The following SOX5 variants were observed in gnomAD, a reference collection of about 807,000 sequenced individuals.
SOX5 encodes the protein SRY-box transcription factor 5, also known as transcription factor SOX-5.
In SOX5, 9 loss-of-function variants were observed where a neutral mutation model predicts 92.0. That is an observed-to-expected ratio of 0.10 (90% CI 0.06 to 0.17). The LOEUF is 0.17. Ranked by LOEUF, SOX5 falls within the 10% of genes least tolerant of loss-of-function variation. The pLI is 1.00. For synonymous variants in SOX5, 344 were observed against 336.3 expected, an observed-to-expected ratio of 1.02 and a Z score of -0.25; for missense variants, 642 against 944.5, an observed-to-expected ratio of 0.68 and a Z score of 4.20.
Position 24,164,738 on chromosome 12 carries a change from C to G in SOX5, c.-2+48605G>C, listed in dbSNP as rs568560386. Among the ~76,000 whole-genome samples the G allele has an allele frequency of 2.6e-5, 4 of 152,120 alleles. No homozygotes were observed. In the South Asian group the frequency reaches 8.3e-4, roughly 32 times the overall value. On this transcript the variant is annotated intron_variant, in intron 4 of 4. Transcript: ENST00000446891. ...CTTGTGTTATCTAAATGCTTCCTAC[C>G]TCAATATATTATTGCTTCATTCCCC...
chr12:23,944,950 T>A (rs1569182474), intron 1 of SOX5, among the ~76,000 whole-genome samples: 1 of 152,084 alleles, frequency 6.6e-6, no homozygotes, highest in Non-Finnish European at 1.5e-5. Context: ...CCCATTGAAA[T>A]TATAAAGGAA....
chr12:23,591,910 T>C (rs1951621368), intron 9 of SOX5, among the ~76,000 whole-genome samples: 1 of 152,206 alleles, frequency 6.6e-6, no homozygotes. Context: ...TAGTATTTCA[T>C]CCTTTCTATT....
chr12:24,457,332 T>A (rs1042298244), intron 1 of SOX5, among the ~76,000 whole-genome samples: 2 of 152,192 alleles, frequency 1.3e-5, no homozygotes, highest in African/African-American at 2.4e-5. Flanking sequence ...TAAAACCTGT[T>A]TTTTTTAAAA....
chr12:23,710,523 G>A (rs968456227), intron 6 of SOX5, among the ~76,000 whole-genome samples: 6 of 152,124 alleles, frequency 3.9e-5, no homozygotes, highest in Non-Finnish European at 8.8e-5. Context: ...AGTTGGCTGA[G>A]AATGATGGTT....
chr12:23,762,621 A>AC (rs1555326244), intron 3 of SOX5: 7 of 541,750 alleles, frequency 1.3e-5, no homozygotes, highest in Non-Finnish European at 2.3e-5. Context: ...AAGAAAAAAA[A>AC]AAAAGTCTTT....
chr12:23,964,208 A>C (rs1214992866), intron 4 of SOX5, among the ~76,000 whole-genome samples: 1 of 152,156 alleles, frequency 6.6e-6, no homozygotes, highest in South Asian at 2.1e-4. Context: ...AAAAAATTAA[A>C]ATAGTCATAA....
At chr12:24,449,473 C>A (rs1057202281) in intron 1 of SOX5, among the ~76,000 whole-genome samples, 2 of 152,202 alleles carry the variant, frequency 1.3e-5, no homozygotes, top group Non-Finnish European at 2.9e-5. Context: ...AGGCACTCTT[C>A]ATCACATCAG....
At chr12:24,511,451 T>A (rs1055690206) in intron 1 of SOX5, among the ~76,000 whole-genome samples, 1 of 152,330 alleles carries the variant, frequency 6.6e-6, no homozygotes, top group East Asian at 1.9e-4. Flanking sequence ...AACATTTAGT[T>A]TGATCAAACT....
At chr12:23,724,322 A>G (rs767913892) in intron 6 of SOX5, among the ~76,000 whole-genome samples, 5 of 152,154 alleles carry the variant, frequency 3.3e-5, no homozygotes, top group Non-Finnish European at 7.4e-5. Context: ...TCTATCATCT[A>G]TAAAATGGAT....
intron 2 of SOX5, among the ~76,000 whole-genome samples, chr12:24,362,964 C>A (rs1319635614): frequency 3.3e-5 from 5 of 151,324 alleles, no homozygotes; most frequent in African/African-American, 1.2e-4. Flanking sequence ...TTTGCAAGAC[C>A]CAATTCCTCA....
At chr12:24,401,292 C>T (rs1307455901) in intron 1 of SOX5, among the ~76,000 whole-genome samples, 2 of 148,580 alleles carry the variant, frequency 1.3e-5, no homozygotes, top group Non-Finnish European at 3.0e-5. Flanking sequence ...GCAGAGGTTG[C>T]AGTGAGCCGA....
intron 4 of SOX5, among the ~76,000 whole-genome samples, chr12:23,993,630 G>A (rs996886707): frequency 4.6e-5 from 7 of 152,060 alleles, no homozygotes; most frequent in African/African-American, 1.7e-4. Context: ...GATCCAAAAT[G>A]AGAAAGACTT....
intron 4 of SOX5, among the ~76,000 whole-genome samples, chr12:24,008,953 A>G (rs1952618410): frequency 6.6e-6 from 1 of 152,160 alleles, no homozygotes; most frequent in Admixed American, 6.5e-5. Context: ...AGCTTTTACC[A>G]ATGTCTTCTG....
chr12:23,759,030 GACACACACACACAC>G (rs61575999), intron 3 of SOX5, among the ~76,000 whole-genome samples: 13 of 146,232 alleles, frequency 8.9e-5, no homozygotes, highest in South Asian at 8.6e-4. Flanking sequence ...CACACACACA[GACACACACACACAC>G]ACACACACAC....
intron 6 of SOX5, among the ~76,000 whole-genome samples, chr12:23,714,101 A>G (rs901844042): frequency 3.3e-5 from 5 of 152,008 alleles, no homozygotes; most frequent in Non-Finnish European, 5.9e-5. Flanking sequence ...AAAAAAAAAA[A>G]AAAAGAAAAG....
At chr12:24,312,364 A>T (rs1595468809) in intron 2 of SOX5, among the ~76,000 whole-genome samples, 2 of 152,206 alleles carry the variant, frequency 1.3e-5, no homozygotes, top group Admixed American at 6.5e-5. Context: ...TTCTTTGCCC[A>T]CTGGTATCAT....
chr12:23,700,573 T>C (rs1437670441), intron 6 of SOX5, among the ~76,000 whole-genome samples: 1 of 152,034 alleles, frequency 6.6e-6, no homozygotes, highest in African/African-American at 2.4e-5. Context: ...AAGCTGACCA[T>C]ACTCTCCTGG....
chr12:23,989,825 T>A (rs1950394579), intron 4 of SOX5, among the ~76,000 whole-genome samples: 1 of 152,072 alleles, frequency 6.6e-6, no homozygotes, highest in African/African-American at 2.4e-5. Flanking sequence ...CTGTAAGAAA[T>A]AAATTTCTGT....
rs554363616 is a variant in SOX5, at chr12:24,430,462, A to G, written c.-250-61823T>C. ...ATTTATGAGGGTATATATATAATAT[A>G]TATAAAATTCATTAAACTTAACAGC... On this transcript the variant is annotated intron_variant, in intron 1 of 4. Coordinates refer to the SOX5 transcript ENST00000446891. Among the ~76,000 whole-genome samples the G allele has an allele frequency of 2.0e-5, 3 of 152,000 alleles. No homozygotes were observed. In the South Asian group the frequency reaches 6.2e-4, roughly 32 times the overall value.
Sources: allele counts gnomAD v4.1 joint callset (sites outside exome capture counted in the v4.1 genomes callset), GRCh38; gene constraint gnomAD v4.1.1; transcripts MANE v1.5; gene names NCBI Gene and HGNC (gene_info 2026-07-23, HGNC 2026-07-21).